The following CADM2 variants were observed in gnomAD, a reference collection of about 807,000 sequenced individuals.
The protein encoded by CADM2 is cell adhesion molecule 2, also known as immunoglobulin superfamily member 4D.
A neutral mutation model predicts 49.8 loss-of-function variants in CADM2; 12 were observed. That is an observed-to-expected ratio of 0.24 (90% confidence interval 0.15 to 0.39). The LOEUF is 0.39. Ranked by LOEUF, CADM2 falls within the 10% of genes least tolerant of loss-of-function variation. The pLI, the probability that CADM2 is intolerant of heterozygous loss-of-function variation, is 1.00. For synonymous variants in CADM2, 214 were observed against 175.4 expected (o/e 1.22, Z -1.74); for missense variants, 378 against 492.3 (o/e 0.77, Z 2.20).
chr3:84,970,374 A>G (rs1479353199), intron 1 of CADM2, among the ~76,000 whole-genome samples: 1 of 151,706 alleles, frequency 6.6e-6, no homozygotes, highest in Non-Finnish European at 1.5e-5. Context: ...AAACCAAGGG[A>G]GAAAAGACTC....
Position 85,359,666 on chromosome 3 carries a change from A to ATATATATATATATATATATATTTTT in CADM2, c.62-366855_62-366854insATATATATATATATATATATTTTTT. 7.6e-3 allele frequency among the ~76,000 whole-genome samples: 202 copies of ATATATATATATATATATATATTTTT among 26,458 alleles called. 14 individuals carry two copies. Among genetic ancestry groups the ATATATATATATATATATATATTTTT allele is most frequent in the Middle Eastern group, 0.033 (1 of 30 alleles). 17.4% of individuals were successfully genotyped at this position (26,458 alleles called of 152,430 possible). ...TATATATATATATATATATATATAT[A>ATATATATATATATATATATATTTTT]TTTTTTTTTTTGGTGGAGGGGAGAA... On this transcript the variant is annotated intron_variant, in intron 1 of 9. Coordinates refer to ENST00000383699, the MANE Select transcript of CADM2 (RefSeq NM_001167675.2).
At chr3:85,911,649 T>C (rs1428544258) in intron 5 of CADM2, among the ~76,000 whole-genome samples, 2 of 152,220 alleles carry the variant, frequency 1.3e-5, no homozygotes, top group East Asian at 3.9e-4. Context: ...TTCAAATGCA[T>C]TGTGCTTTCT....
chr3:85,087,786 A>G (rs2037439706), intron 1 of CADM2, among the ~76,000 whole-genome samples: 1 of 152,316 alleles, frequency 6.6e-6, no homozygotes, highest in Middle Eastern at 3.4e-3. Flanking sequence ...ATGTGTCTGC[A>G]TAACATTACC....
intron 1 of CADM2, among the ~76,000 whole-genome samples, chr3:85,660,835 G>GGT (rs2065378928): frequency 1.3e-5 from 2 of 151,552 alleles, no homozygotes; most frequent in Non-Finnish European, 2.9e-5. Flanking sequence ...CATGTACAGT[G>GGT]CACTTTTTTC....
In CADM2 at chr3:86,074,150, A is replaced by G. The variant is rs1456447814; in HGVS notation, c.*7367A>G. On this transcript the variant is annotated 3_prime_UTR_variant, in exon 10 of 10. Transcript: ENST00000383699. ...TTTTTTTAACCTTCACACTCTAACC[A>G]GTATTATATATTTCAGCTACCTAAG... is the stretch of plus-strand genomic sequence containing the variant. 2 of 151,988 alleles carry G rather than the reference A, an allele frequency of 1.3e-5. No homozygotes were observed. Among genetic ancestry groups the G allele is most frequent in the South Asian group, 2.1e-4 (1 of 4,830 alleles). The allele number at this position is 151,988 out of a possible 1,614,324, so 9.4% of individuals were successfully genotyped here. A position where few individuals can be genotyped will look rare whatever the true frequency, so the allele number is the denominator to read the frequency against.
chr3:85,371,125 G>A (rs2033197616), intron 1 of CADM2, among the ~76,000 whole-genome samples: 1 of 152,044 alleles, frequency 6.6e-6, no homozygotes, highest in African/African-American at 2.4e-5. Flanking sequence ...AATCAGCTAA[G>A]ATTAATTTAT....
intron 1 of CADM2, among the ~76,000 whole-genome samples, chr3:85,376,127 G>C (rs1264448735): frequency 6.6e-6 from 1 of 152,002 alleles, no homozygotes; most frequent in African/African-American, 2.4e-5. Context: ...TTGGACTCTA[G>C]ATCCTCTAAA....
intron 1 of CADM2, among the ~76,000 whole-genome samples, chr3:85,301,285 T>C (rs2044094138): frequency 6.6e-6 from 1 of 152,056 alleles, no homozygotes; most frequent in African/African-American, 2.4e-5. Context: ...CTTCCCAATT[T>C]GCAATCACAA....
At chr3:85,652,053 G>T (rs1160519751) in intron 1 of CADM2, among the ~76,000 whole-genome samples, 1 of 144,024 alleles carries the variant, frequency 6.9e-6, no homozygotes, top group African/African-American at 2.6e-5. Flanking sequence ...TCCTGACCTC[G>T]TGATCCACCC....
intron 1 of CADM2, among the ~76,000 whole-genome samples, chr3:85,163,277 C>A (rs890223577): frequency 6.6e-6 from 1 of 151,974 alleles, no homozygotes; most frequent in Non-Finnish European, 1.5e-5. Context: ...CATGACTGAG[C>A]AAATAGGTAT....
intron 3 of CADM2, among the ~76,000 whole-genome samples, chr3:85,867,694 C>T (rs1415405617): frequency 6.6e-6 from 1 of 151,876 alleles, no homozygotes; most frequent in East Asian, 1.9e-4. Flanking sequence ...AGAAGAAATA[C>T]TTTGAAAATT....
At chr3:85,924,541 G>C (rs1719574529) in intron 6 of CADM2, among the ~76,000 whole-genome samples, 1 of 151,744 alleles carries the variant, frequency 6.6e-6, no homozygotes, top group African/African-American at 2.4e-5. Flanking sequence ...GCAGTGAGCC[G>C]AGATGGCACC....
chr3:85,872,724 TTA>T (rs552535273), intron 3 of CADM2, among the ~76,000 whole-genome samples: 1 of 149,418 alleles, frequency 6.7e-6, no homozygotes, highest in Non-Finnish European at 1.5e-5. Flanking sequence ...TATTTATACA[TTA>T]TATATATATA....
intron 1 of CADM2, among the ~76,000 whole-genome samples, chr3:85,485,505 T>G (rs12633895): frequency 0.013 from 2,042 of 152,074 alleles, 115 homozygotes; most frequent in South Asian, 0.1. Context: ...TCTATAAGAA[T>G]AAATCAAACT....
chr3:85,441,655 C>A (rs2037207296), intron 1 of CADM2, among the ~76,000 whole-genome samples: 1 of 151,990 alleles, frequency 6.6e-6, no homozygotes, highest in Non-Finnish European at 1.5e-5. Flanking sequence ...CAGGAAAATA[C>A]AAACAACCAC....
chr3:85,396,616 A>G (rs2034806017), intron 1 of CADM2, among the ~76,000 whole-genome samples: 1 of 152,034 alleles, frequency 6.6e-6, no homozygotes, highest in Non-Finnish European at 1.5e-5. Context: ...ATTTTTCAAG[A>G]CTTTAAACAT....
intron 1 of CADM2, among the ~76,000 whole-genome samples, chr3:85,481,229 G>GGTATAT (rs1553728471): frequency 4.8e-5 from 7 of 144,950 alleles, no homozygotes; most frequent in South Asian, 4.3e-4. Flanking sequence ...ATATATATTG[G>GGTATAT]ATATATATAT....
At position 85,630,718 on chromosome 3, in the gene CADM2, G is replaced by A. The variant is rs188745580; in HGVS notation, c.62-95804G>A. Among the ~76,000 whole-genome samples the A allele has an allele frequency of 5.9e-5, 9 of 152,162 alleles. No homozygotes were observed. In the East Asian group the frequency reaches 1.7e-3, roughly 29 times the overall value. On this transcript the variant is annotated intron_variant, in intron 1 of 9. Coordinates refer to ENST00000383699, the MANE Select transcript of CADM2 (RefSeq NM_001167675.2). ...ACTTTAGAATAACTCAGTTGGCACAGTGTGTGTGGCATTAAAACTAGATTT... is the reference window on the plus strand; with the variant it reads ...ACTTTAGAATAACTCAGTTGGCACAATGTGTGTGGCATTAAAACTAGATTT...
chr3:85,681,395 T>G (rs1190445680), intron 1 of CADM2, among the ~76,000 whole-genome samples: 1 of 152,156 alleles, frequency 6.6e-6, no homozygotes, highest in African/African-American at 2.4e-5. Context: ...CTGCTTAATC[T>G]TTAAGCTAAG....
Sources: gnomAD v4.1 joint callset for allele counts (sites outside exome capture counted in the v4.1 genomes callset) on GRCh38, gnomAD v4.1.1 for gene constraint, MANE v1.5 for transcripts, NCBI Gene and HGNC (gene_info 2026-07-23, HGNC 2026-07-21) for gene names.